Variants in ABAT observed in about 807,000 individuals in gnomAD.
The protein encoded by ABAT is 4-aminobutyrate aminotransferase, mitochondrial.
ABAT carries 45 observed loss-of-function variants against 64.6 expected under a neutral mutation model. The ratio of observed to expected loss-of-function variants is 0.70; its 90% CI spans 0.55 to 0.89. ABAT has a LOEUF of 0.89. Among genes scored for constraint, ABAT ranks in the 40% least tolerant of loss-of-function variants. The pLI is 0.00. For missense variants in ABAT, 633 were observed against 658.4 expected (o/e 0.96, Z 0.42); for synonymous variants, 297 against 250.5 (o/e 1.19, Z -1.75).
At chr16:8,738,362 T>G (rs2059044904) in intron 2 of ABAT, 1 of 454,392 alleles carries the variant, frequency 2.2e-6, no homozygotes, top group South Asian at 1.6e-5. Flanking sequence ...GAAACTGACC[T>G]TGGTATGTTA....
chr16:8,737,991 G>GGAGGGAAGAAAGAAAGAAA lies in ABAT; in HGVS notation c.70+2184_70+2185insGGGAAGAAAGAAAGAAAGA. Among the ~76,000 whole-genome samples, 2 of 14,962 alleles carry GGAGGGAAGAAAGAAAGAAA rather than the reference G, an allele frequency of 1.3e-4. 1 individual carries two copies. The highest frequency in any genetic ancestry group is 5.6e-4 in the African/African-American group (2 of 3,542). 9.8% of individuals were successfully genotyped at this position (14,962 alleles called of 152,430 possible). ...AAGGAAGGAAGGAAGGAAGGAAGGA[G>GGAGGGAAGAAAGAAAGAAA]GAAAGAAAGAAAGAAAGAAAGAAAG... On this transcript the variant is annotated intron_variant, in intron 2 of 15. Coordinates refer to ENST00000268251, the MANE Select transcript of ABAT (RefSeq NM_020686.6).
intron 5 of ABAT, among the ~76,000 whole-genome samples, chr16:8,754,670 ATTTCTTTC>A (rs978873490): frequency 1.4e-4 from 2 of 14,606 alleles, no homozygotes; most frequent in African/African-American, 2.2e-4. Flanking sequence ...TGATTTATTT[ATTTCTTTC>A]TTTCTTTCTT....
intron 1 of ABAT, among the ~76,000 whole-genome samples, chr16:8,685,851 G>A (rs1441907077): frequency 2.0e-5 from 3 of 152,180 alleles, no homozygotes; most frequent in Admixed American, 2.0e-4. Context: ...TTGACTCAGA[G>A]ACCCATAGGG....
intron 1 of ABAT, among the ~76,000 whole-genome samples, chr16:8,694,923 T>C (rs1003684469): frequency 6.6e-6 from 1 of 152,206 alleles, no homozygotes; most frequent in Non-Finnish European, 1.5e-5. Flanking sequence ...CACAGAGAAC[T>C]CTGTGCTCCC....
intron 15 of ABAT, chr16:8,780,906 G>T: frequency 1.5e-5 from 7 of 478,844 alleles, no homozygotes; most frequent in Non-Finnish European, 2.7e-5. Flanking sequence ...GACTCAGCCT[G>T]TGCTTTTGCA....
intron 9 of ABAT, 111 bp from the exon 10 acceptor site, chr16:8,768,082 G>T: frequency 8.3e-7 from 1 of 1,200,676 alleles, no homozygotes; most frequent in East Asian, 2.3e-5. Flanking sequence ...GCCTGAGAAG[G>T]ATTCCTGGTT....
At chr16:8,768,997 C>G (rs1357845238) in intron 11 of ABAT, 24 bp downstream of exon 11, 1 of 1,613,806 alleles carries the variant, frequency 6.2e-7, no homozygotes, top group Non-Finnish European at 8.5e-7. Flanking sequence ...CCTGCGGATC[C>G]TCCCCAACCA....
At chr16:8,698,356 G>C (rs768821169) in intron 1 of ABAT, among the ~76,000 whole-genome samples, 1 of 151,050 alleles carries the variant, frequency 6.6e-6, no homozygotes, top group East Asian at 2.0e-4. Flanking sequence ...TCTTTGAGAC[G>C]GAGTTCCACT....
intron 1 of ABAT, among the ~76,000 whole-genome samples, chr16:8,685,718 C>CA (rs1179609892): frequency 6.6e-6 from 1 of 151,654 alleles, no homozygotes; most frequent in Non-Finnish European, 1.5e-5. Context: ...ATCGAAAAAA[C>CA]AAAAAAACAA....
At chr16:8,759,363 TA>T (rs201721362) in intron 6 of ABAT, among the ~76,000 whole-genome samples, 2,951 of 143,768 alleles carry the variant, frequency 0.021, 88 homozygotes, top group African/African-American at 0.071. Flanking sequence ...TGGAACAGAG[TA>T]AAAAATTTTT....
chr16:8,675,487 C>T (rs1261762565), intron 1 of ABAT, among the ~76,000 whole-genome samples: 1 of 152,060 alleles, frequency 6.6e-6, no homozygotes, highest in African/African-American at 2.4e-5. Flanking sequence ...TCCTAGTAAC[C>T]CCCTGCACCA....
intron 6 of ABAT, 118 bp from the exon 7 acceptor site, chr16:8,763,951 C>A: frequency 1.2e-6 from 1 of 849,196 alleles, no homozygotes; most frequent in Non-Finnish European, 2.0e-6. Context: ...AGAACGTCAT[C>A]ATCCTGCAAC....
intron 1 of ABAT, among the ~76,000 whole-genome samples, chr16:8,692,212 C>G (rs1192365298): frequency 6.6e-6 from 1 of 151,938 alleles, no homozygotes; most frequent in African/African-American, 2.4e-5. Context: ...AAGACTTTGT[C>G]CCTACAGAAA....
intron 5 of ABAT, among the ~76,000 whole-genome samples, chr16:8,755,496 CTT>C (rs2059623482): frequency 1.3e-5 from 2 of 152,196 alleles, no homozygotes; most frequent in African/African-American, 4.8e-5. Context: ...CTGCTGAGTT[CTT>C]TTCTCAGAGA....
intron 1 of ABAT, among the ~76,000 whole-genome samples, chr16:8,728,172 G>C (rs1325134587): frequency 6.6e-6 from 1 of 152,216 alleles, no homozygotes; most frequent in Non-Finnish European, 1.5e-5. Flanking sequence ...GGATGAGAGG[G>C]AGTGAATGAA....
intron 1 of ABAT, among the ~76,000 whole-genome samples, chr16:8,675,554 ACCTGGCTG>A (rs1303696390): frequency 6.6e-6 from 1 of 151,752 alleles, no homozygotes; most frequent in African/African-American, 2.4e-5. Context: ...CCACTCCCAC[ACCTGGCTG>A]CCCCACCTAT....
At chr16:8,775,474 C>T (rs754511700) in intron 13 of ABAT, among the ~76,000 whole-genome samples, 3 of 152,180 alleles carry the variant, frequency 2.0e-5, no homozygotes, top group Non-Finnish European at 4.4e-5. Context: ...TCAAAGGTCA[C>T]ACAGCCTGTT....
chr16:8,687,024 A>G (rs768955260), intron 1 of ABAT, among the ~76,000 whole-genome samples: 9 of 152,152 alleles, frequency 5.9e-5, no homozygotes, highest in Non-Finnish European at 1.0e-4. Context: ...GGCATGCTGA[A>G]GCTTGCTGAA....
chr16:8,728,834 A>G (rs1024270682), intron 1 of ABAT, among the ~76,000 whole-genome samples: 8 of 152,208 alleles, frequency 5.3e-5, no homozygotes, highest in African/African-American at 2.4e-5. Flanking sequence ...AGATCACGCC[A>G]CTGTACTCCA....
Sources: allele counts gnomAD v4.1 joint callset (sites outside exome capture counted in the v4.1 genomes callset), GRCh38; gene constraint gnomAD v4.1.1; transcripts MANE v1.5; gene names NCBI Gene and HGNC (gene_info 2026-07-23, HGNC 2026-07-21).